The following ATXN1 variants were observed in gnomAD, a reference collection of about 807,000 sequenced individuals.
ATXN1 encodes the protein ataxin-1.
A neutral mutation model predicts 56.4 loss-of-function variants in ATXN1; 8 were observed. That is an observed-to-expected ratio of 0.14 (90% CI 0.08 to 0.26). The LOEUF (loss-of-function observed/expected upper bound fraction) is 0.26, where lower values mean the gene tolerates loss of function less well. ATXN1 is among the 10% of genes least tolerant of loss of function. The probability of loss-of-function intolerance (pLI) is 1.00; values close to 1 mark genes in which losing one functional copy is unlikely to be tolerated. For synonymous variants in ATXN1, 514 were observed against 494.6 expected (o/e 1.04, Z -0.52); for missense variants, 987 against 1,106.5 (o/e 0.89, Z 1.53).
intron 2 of ATXN1, among the ~76,000 whole-genome samples, chr6:16,731,449 CTTT>C (rs1250658347): frequency 2.4e-5 from 1 of 41,076 alleles, no homozygotes; most frequent in Non-Finnish European, 5.1e-5. Flanking sequence ...CTTTTTTTTT[CTTT>C]TCTTTTTTTT....
intron 6 of ATXN1, among the ~76,000 whole-genome samples, chr6:16,380,315 GTGC>G (rs1176037461): frequency 1.3e-5 from 2 of 152,130 alleles, no homozygotes; most frequent in African/African-American, 4.8e-5. Context: ...GCAGACCACA[GTGC>G]AAAAAATTAA....
intron 7 of ATXN1, among the ~76,000 whole-genome samples, chr6:16,323,525 CAAAAAAAAAAAAA>C (rs35308265): frequency 1.6e-4 from 8 of 48,848 alleles, no homozygotes; most frequent in South Asian, 2.1e-3. Flanking sequence ...ACTCTGTCTC[CAAAAAAAAAAAAA>C]AAAAAAAAAA....
At chr6:16,511,555 T>A (rs971907397) in intron 5 of ATXN1, among the ~76,000 whole-genome samples, 3 of 152,186 alleles carry the variant, frequency 2.0e-5, no homozygotes, top group African/African-American at 7.2e-5. Context: ...ACCTTCTGAA[T>A]AACAGAGGTC....
intron 3 of ATXN1, among the ~76,000 whole-genome samples, chr6:16,600,850 G>T (rs2237173): frequency 0.62 from 93,989 of 151,988 alleles, 31,804 homozygotes; most frequent in Admixed American, 0.79. Context: ...ACCTCGCTGG[G>T]GTAAGGTATA....
intron 4 of ATXN1, among the ~76,000 whole-genome samples, chr6:16,560,344 C>T (rs9477164): frequency 6.0e-5 from 9 of 151,224 alleles, no homozygotes; most frequent in South Asian, 2.1e-4. Flanking sequence ...GCAGGAGAAT[C>T]GTTTAAACGG....
At chr6:16,616,601 CTATATATAAAATATTTTATATA>C (rs1047624302) in intron 3 of ATXN1, among the ~76,000 whole-genome samples, 2 of 139,424 alleles carry the variant, frequency 1.4e-5, no homozygotes, top group Non-Finnish European at 3.1e-5. Context: ...ATATTATATA[CTATATATAAAATATTTTATATA>C]TTTATATAAA....
intron 3 of ATXN1, among the ~76,000 whole-genome samples, chr6:16,593,488 G>T (rs1762759834): frequency 6.6e-6 from 1 of 152,086 alleles, no homozygotes; most frequent in African/African-American, 2.4e-5. Context: ...AGAATAAAAT[G>T]AACAGGCATA....
chr6:16,451,265 C>T (rs996798220), intron 6 of ATXN1, among the ~76,000 whole-genome samples: 1 of 152,144 alleles, frequency 6.6e-6, no homozygotes, highest in Non-Finnish European at 1.5e-5. Context: ...GTCAGGAATT[C>T]GAGACAAGCC....
In ATXN1 at chr6:16,456,074, C is replaced by T. The variant is rs140382411; in HGVS notation, c.-161+29898G>A. 9.2e-5 allele frequency among the ~76,000 whole-genome samples: 14 copies of T among 152,298 alleles called. No homozygotes were observed. In the East Asian group the frequency reaches 2.3e-3, roughly 25 times the overall value. ...GCCAGCAGTGGCAACCCATTTGGGTCCCCTTCCACGCTGGGGAAGCTTTGT... is the reference window on the plus strand; with the variant it reads ...GCCAGCAGTGGCAACCCATTTGGGTTCCCTTCCACGCTGGGGAAGCTTTGT... On this transcript the variant is annotated intron_variant, in intron 6 of 7. Coordinates refer to ENST00000436367, the MANE Select transcript of ATXN1 (RefSeq NM_001128164.2).
chr6:16,734,031 G>A (rs1457677463), intron 2 of ATXN1, among the ~76,000 whole-genome samples: 1 of 151,454 alleles, frequency 6.6e-6, no homozygotes, highest in East Asian at 1.9e-4. Flanking sequence ...GGCGGAGATT[G>A]CAGTGAGCCA....
At chr6:16,499,741 T>C (rs1760847102) in intron 5 of ATXN1, among the ~76,000 whole-genome samples, 1 of 152,168 alleles carries the variant, frequency 6.6e-6, no homozygotes, top group Non-Finnish European at 1.5e-5. Context: ...TAATAGACTT[T>C]TGGCATGATA....
intron 5 of ATXN1, among the ~76,000 whole-genome samples, chr6:16,496,106 C>A (rs1052627366): frequency 1.3e-5 from 2 of 152,144 alleles, no homozygotes; most frequent in Non-Finnish European, 2.9e-5. Flanking sequence ...ACTTTAAACT[C>A]CTTTTTTAAT....
At chr6:16,641,660 C>T (rs939691205) in intron 3 of ATXN1, among the ~76,000 whole-genome samples, 16 of 152,210 alleles carry the variant, frequency 1.1e-4, no homozygotes, top group African/African-American at 1.9e-4. Context: ...GTCGTTTTCA[C>T]GCCTGCTAAC....
intron 3 of ATXN1, among the ~76,000 whole-genome samples, chr6:16,604,371 C>A (rs1311514373): frequency 6.6e-6 from 1 of 150,756 alleles, no homozygotes; most frequent in Non-Finnish European, 1.5e-5. Context: ...TGGTGCACAT[C>A]TATAGTTCCA....
intron 4 of ATXN1, among the ~76,000 whole-genome samples, chr6:16,579,194 G>A (rs1762478298): frequency 6.6e-6 from 1 of 151,994 alleles, no homozygotes; most frequent in African/African-American, 2.4e-5. Context: ...TTTTTGTTTT[G>A]GTTTGTTTTA....
At chr6:16,338,479 C>T (rs768764596) in intron 6 of ATXN1, among the ~76,000 whole-genome samples, 9 of 152,078 alleles carry the variant, frequency 5.9e-5, no homozygotes, top group Non-Finnish European at 1.0e-4. Flanking sequence ...GGCGACAGAG[C>T]GAGACTCCAT....
chr6:16,375,406 C>T (rs553911386), intron 6 of ATXN1, among the ~76,000 whole-genome samples: 44 of 152,340 alleles, frequency 2.9e-4, no homozygotes, highest in Admixed American at 1.6e-3. Context: ...CTGTCAACAA[C>T]TCTGCAATTC....
chr6:16,696,096 C>T (rs1759159529), intron 2 of ATXN1, among the ~76,000 whole-genome samples: 1 of 152,134 alleles, frequency 6.6e-6, no homozygotes, highest in African/African-American at 2.4e-5. Context: ...GACAGCTCTC[C>T]TGGGCTCTCT....
At chr6:16,697,796 A>C (rs79633732) in intron 2 of ATXN1, among the ~76,000 whole-genome samples, 1 of 152,224 alleles carries the variant, frequency 6.6e-6, no homozygotes, top group African/African-American at 2.4e-5. Context: ...ACAGCGTTAC[A>C]TAAGTCTCTT....
Sources: gnomAD v4.1 joint callset for allele counts (sites outside exome capture counted in the v4.1 genomes callset) on GRCh38, gnomAD v4.1.1 for gene constraint, MANE v1.5 for transcripts, NCBI Gene and HGNC (gene_info 2026-07-23, HGNC 2026-07-21) for gene names.